Variants in PCDHGA3 observed in about 807,000 individuals in gnomAD.
The protein encoded by PCDHGA3 is protocadherin gamma subfamily A, 3, also known as protocadherin gamma-A3.
In PCDHGA3, 40 loss-of-function variants were observed where a neutral mutation model predicts 58.5. The observed-to-expected ratio is 0.68, with a 90% CI of 0.53 to 0.89. The LOEUF (loss-of-function observed/expected upper bound fraction) is 0.89, where lower values mean the gene tolerates loss of function less well. Ranked by LOEUF, PCDHGA3 falls within the 40% of genes least tolerant of loss-of-function variation. The pLI is 0.00. For synonymous variants in PCDHGA3, 530 were observed against 525.7 expected (o/e 1.01, Z -0.11); for missense variants, 1,223 against 1,195.9 (o/e 1.02, Z -0.33).
At chr5:141,460,787 C>T (rs1177595415) in intron 1 of PCDHGA3, among the ~76,000 whole-genome samples, 1 of 151,504 alleles carries the variant, frequency 6.6e-6, no homozygotes, top group Non-Finnish European at 1.5e-5. Context: ...TACATATATA[C>T]ACACAAAGTA....
At chr5:141,403,699 T>G (rs780425739) in intron 1 of PCDHGA3, 6 of 1,613,934 alleles carry the variant, frequency 3.7e-6, no homozygotes, top group East Asian at 2.2e-5. Context: ...TTTACCGAGT[T>G]AAAGTCCTTG....
rs538474552 is a variant in PCDHGA3, at chr5:141,415,070, C to T, written c.2424+68613C>T. The T allele has an allele frequency of 2.0e-5, 32 of 1,613,398 alleles. No homozygotes were observed. The African/African-American group carries it at 3.9e-4, about 19-fold the overall frequency. On this transcript the variant is annotated intron_variant, in intron 1 of 3. Transcript: ENST00000253812. Reference sequence around the variant, plus strand: ...GGGGAGCACACGGGCGAGGTGCGCACGGCGCGAGCCCTGCTGGACAGAGAC... The same window carrying T: ...GGGGAGCACACGGGCGAGGTGCGCATGGCGCGAGCCCTGCTGGACAGAGAC...
intron 1 of PCDHGA3, chr5:141,408,489 G>A: frequency 6.2e-7 from 1 of 1,614,076 alleles, no homozygotes; most frequent in Non-Finnish European, 8.5e-7. Flanking sequence ...GAGCAAATAT[G>A]CAAAGAGAGA....
intron 1 of PCDHGA3, chr5:141,397,964 T>A: frequency 9.4e-7 from 1 of 1,060,074 alleles, no homozygotes; most frequent in Non-Finnish European, 1.3e-6. Context: ...CAGCTCAGAC[T>A]CCCCAGCGCC....
rs1763351021 is a variant in PCDHGA3, at chr5:141,364,473, T to C, written c.2424+18016T>C. On this transcript the variant is annotated intron_variant, in intron 1 of 3. Transcript: ENST00000253812. ...GACAAAGGCTCCTTCGTCGGCAACA[T>C]AGCCAAGGACCTTGGGCTGGAGCCC... 2.5e-6 allele frequency: 4 copies of C among 1,613,868 alleles called. No homozygotes were observed. The highest frequency in any genetic ancestry group is 2.5e-6 in the Non-Finnish European group (3 of 1,179,886).
intron 1 of PCDHGA3, chr5:141,370,945 A>G (rs926355421): frequency 6.2e-7 from 1 of 1,614,020 alleles, no homozygotes; most frequent in Non-Finnish European, 8.5e-7. Context: ...ATTCAGAAGG[A>G]GAACCTGGAT....
In PCDHGA3 at chr5:141,512,385, A is replaced by G. The variant is rs78180647; in HGVS notation, c.*1212A>G. 6,750 of 152,704 alleles carry G rather than the reference A, an allele frequency of 0.044. 413 individuals carry two copies. Among genetic ancestry groups the G allele is most frequent in the Admixed American group, 0.18 (2,745 of 15,296 alleles). The allele number at this position is 152,704 out of a possible 1,614,324, so 9.5% of individuals were successfully genotyped here. ...TAGGGCAGGGACCAAATGAACAGAAAGTCTCAGCCCAGGATGGGGCTTCTT... is the reference window on the plus strand; with the variant it reads ...TAGGGCAGGGACCAAATGAACAGAAGGTCTCAGCCCAGGATGGGGCTTCTT... On this transcript the variant is annotated 3_prime_UTR_variant, in exon 4 of 4. Coordinates refer to ENST00000253812, the MANE Select transcript of PCDHGA3 (RefSeq NM_018916.4).
chr5:141,385,081 T>G, intron 1 of PCDHGA3: 1 of 1,614,164 alleles, frequency 6.2e-7, no homozygotes, highest in Non-Finnish European at 8.5e-7. Flanking sequence ...GCTGCAGGCT[T>G]CAGAAGGTGG....
rs889285153 is a variant in PCDHGA3, at chr5:141,494,978, T to C, written c.2483+113T>C. ...TGCTACAGATGGCTTCTCCCTCAGT[T>C]TGAGATCCCAGGGAGGTCTTGGTGT... On this transcript the variant is annotated intron_variant, in intron 2 of 3. Transcript: ENST00000253812. 7.6e-6 allele frequency: 12 copies of C among 1,572,974 alleles called. No homozygotes were observed. In the Admixed American group the frequency reaches 1.3e-4, roughly 17 times the overall value.
In PCDHGA3 at chr5:141,485,507, G is replaced by A. The variant is rs766643911; in HGVS notation, c.2425-9300G>A. 6.8e-6 allele frequency: 11 copies of A among 1,614,174 alleles called. No homozygotes were observed. Among genetic ancestry groups the A allele is most frequent in the Non-Finnish European group, 8.5e-6 (10 of 1,180,036 alleles). ...CGTGCCCCTGGAGTTTGTCACCGAA[G>A]GTCCTTTGGAAATGTACCGAGCAGA... On this transcript the variant is annotated intron_variant, in intron 1 of 3. Transcript: ENST00000253812. The surrounding 1 kb of genome is among the most constrained non-coding windows in gnomAD (Gnocchi z 5.7).
Position 141,344,650 on chromosome 5 carries a change from A to G in PCDHGA3, c.617A>G (p.Glu206Gly), listed in dbSNP as rs1396290994. The G allele has an allele frequency of 5.0e-6, 8 of 1,613,846 alleles. No individual in the cohort carries two copies. The highest frequency in any genetic ancestry group is 1.3e-5 in the African/African-American group (1 of 74,908). The change falls in exon 1 of 4, where the codon GAA (glutamate) becomes GGA (glycine). Residue 206 changes from glutamate to glycine, a missense_variant. Around this residue, in one of 3 missense-constraint regions of PCDHGA3, gnomAD observed 791 missense variants for 708.5 expected, o/e 1.12. Coordinates refer to ENST00000253812, the MANE Select transcript of PCDHGA3 (RefSeq NM_018916.4). ...LERALDREKK[E>G]IHQLVLVASD... ...CGGGCCCTGGACCGTGAGAAAAAAG[A>G]AATTCACCAGCTTGTCCTGGTTGCC...
In PCDHGA3 at chr5:141,372,691, A is replaced by G. The variant is rs780199454; in HGVS notation, c.2424+26234A>G. The G allele has an allele frequency of 9.3e-6, 15 of 1,613,914 alleles. No homozygotes were observed. In the Admixed American group the frequency reaches 1.2e-4, roughly 13 times the overall value. ...TCACATTCCTCAAACACCGAGTTTA[A>G]ATTTCTCAATATAAAGGCTGAAAAT... On this transcript the variant is annotated intron_variant, in intron 1 of 3. Transcript: ENST00000253812.
chr5:141,434,401 T>C (rs1036239430), intron 1 of PCDHGA3, among the ~76,000 whole-genome samples: 2 of 152,242 alleles, frequency 1.3e-5, no homozygotes. Context: ...ACAAAATCTC[T>C]GCAGCACTGT....
intron 1 of PCDHGA3, among the ~76,000 whole-genome samples, chr5:141,483,014 G>A (rs1401419953): frequency 1.3e-5 from 2 of 152,184 alleles, no homozygotes; most frequent in Non-Finnish European, 2.9e-5. Context: ...GAACCCGGGA[G>A]GCAGAGGTTG....
chr5:141,446,130 CTT>C (rs1191897284), intron 1 of PCDHGA3, among the ~76,000 whole-genome samples: 2 of 152,076 alleles, frequency 1.3e-5, no homozygotes, highest in African/African-American at 4.8e-5. Context: ...TTCAATAAGA[CTT>C]AATAATGGAA....
In PCDHGA3 at chr5:141,491,928, G is replaced by T; in HGVS notation, c.2425-2879G>T. 1 of 1,301,482 alleles carries T rather than the reference G, an allele frequency of 7.7e-7. No homozygotes were observed. Among genetic ancestry groups the T allele is most frequent in the South Asian group, 1.6e-5 (1 of 63,466 alleles). 80.6% of individuals were successfully genotyped at this position (1,301,482 alleles called of 1,614,324 possible). A position where few individuals can be genotyped will look rare whatever the true frequency, so the allele number is the denominator to read the frequency against. On this transcript the variant is annotated intron_variant, in intron 1 of 3. Coordinates refer to ENST00000253812, the MANE Select transcript of PCDHGA3 (RefSeq NM_018916.4). The surrounding 1 kb of genome is among the most constrained non-coding windows in gnomAD (Gnocchi z 6.9). ...TGGTGGCGACTGTGGGCGAGGGGAG[G>T]TGGGACCGACCCCCACCCCTACACT... is the stretch of plus-strand genomic sequence containing the variant.
intron 1 of PCDHGA3, among the ~76,000 whole-genome samples, chr5:141,354,134 A>G (rs1033853247): frequency 1.3e-5 from 2 of 152,252 alleles, no homozygotes; most frequent in Non-Finnish European, 2.9e-5. Flanking sequence ...AAATTGTAAA[A>G]TAATACTGAA....
chr5:141,361,065 G>A, intron 1 of PCDHGA3: 1 of 1,613,892 alleles, frequency 6.2e-7, no homozygotes, highest in Non-Finnish European at 8.5e-7. Flanking sequence ...TGGATTTTGA[G>A]ATTGCAAGTA....
chr5:141,388,769 C>T (rs1216196772), intron 1 of PCDHGA3: 23 of 1,613,914 alleles, frequency 1.4e-5, no homozygotes, highest in Non-Finnish European at 1.9e-5. Flanking sequence ...TGAACTCTAA[C>T]ACCGGGGAAA....
Sources: allele counts gnomAD v4.1 joint callset (sites outside exome capture counted in the v4.1 genomes callset), GRCh38; gene constraint gnomAD v4.1.1; regional missense constraint gnomAD v4.1.1; non-coding constraint Gnocchi (gnomAD v3.1); transcripts MANE v1.5; gene names NCBI Gene and HGNC (gene_info 2026-07-23, HGNC 2026-07-21).